AHCTF1: variants seen among roughly 807,000 people sequenced by gnomAD.
AHCTF1 encodes protein ELYS.
Under a neutral mutation model 248.4 loss-of-function variants are expected in AHCTF1, and 24 were observed. The observed-to-expected ratio is 0.10, with a 90% CI of 0.07 to 0.14. The LOEUF is 0.14. Among genes scored for constraint, AHCTF1 ranks in the 10% least tolerant of loss-of-function variants. The probability of loss-of-function intolerance (pLI) is 1.00; values close to 1 mark genes in which losing one functional copy is unlikely to be tolerated. For missense variants in AHCTF1, 2,206 were observed against 2,636.2 expected, an observed-to-expected ratio of 0.84 and a Z score of 3.57; for synonymous variants, 786 against 929.8, an observed-to-expected ratio of 0.85 and a Z score of 2.81.
intron 18 of AHCTF1, 39 bp from the exon 19 acceptor site, chr1:246,888,272 ACAGT>A: frequency 6.2e-7 from 1 of 1,612,980 alleles, no homozygotes; most frequent in East Asian, 2.2e-5. Flanking sequence ...TGGATCTTAT[ACAGT>A]CATTCATTCA....
In AHCTF1 at chr1:246,894,799, G is replaced by C. The variant is rs764927947; in HGVS notation, c.1715-51C>G. Reference sequence around the variant, plus strand: ...AAATAAAGATTATTAATTACAAACAGAGTTCTAAATTGTTGGTGGAGAAGC... The same window carrying C: ...AAATAAAGATTATTAATTACAAACACAGTTCTAAATTGTTGGTGGAGAAGC... On this transcript the variant is annotated intron_variant, in intron 13 of 35. Coordinates refer to ENST00000648844, the MANE Select transcript of AHCTF1 (RefSeq NM_001323342.2). The C allele has an allele frequency of 2.7e-6, 4 of 1,502,088 alleles. No individual in the cohort carries two copies. The Admixed American group carries it at 5.2e-5, about 19-fold the overall frequency. 93.0% of individuals were successfully genotyped at this position (1,502,088 alleles called of 1,614,324 possible).
chr1:246,872,724 T>C (rs1385287507), intron 24 of AHCTF1, among the ~76,000 whole-genome samples: 1 of 152,198 alleles, frequency 6.6e-6, no homozygotes. Flanking sequence ...TGAAAGGGAA[T>C]GGGACTTGGC....
At chr1:246,892,464 G>A (rs547315407) in intron 14 of AHCTF1, among the ~76,000 whole-genome samples, 2 of 151,752 alleles carry the variant, frequency 1.3e-5, no homozygotes, top group African/African-American at 2.4e-5. Flanking sequence ...GGGATTACAG[G>A]CATGTGCCAC....
At chr1:246,928,325 T>G (rs1015855289) in intron 1 of AHCTF1, among the ~76,000 whole-genome samples, 4 of 146,088 alleles carry the variant, frequency 2.7e-5, no homozygotes, top group African/African-American at 1.0e-4. Context: ...AAAAAAAAAT[T>G]ACTTCTGCTT....
At chr1:246,913,119 AAG>A in intron 4 of AHCTF1, 111 bp downstream of exon 4, 1 of 822,100 alleles carries the variant, frequency 1.2e-6, no homozygotes. Flanking sequence ...TATAGATAGG[AAG>A]ATATCTTTTA....
intron 1 of AHCTF1, chr1:246,930,989 G>A (rs1333873031): frequency 1.6e-6 from 2 of 1,249,174 alleles, no homozygotes; most frequent in African/African-American, 1.5e-5. Context: ...AAACCGTCCT[G>A]TTTCCCAGGT....
chr1:246,902,128 C>T (rs759452268), intron 8 of AHCTF1, among the ~76,000 whole-genome samples: 33 of 151,836 alleles, frequency 2.2e-4, no homozygotes, highest in East Asian at 9.7e-4. Context: ...CTTAAAAAAC[C>T]GATGCAAAAA....
In AHCTF1 at chr1:246,851,117, C is replaced by T; in HGVS notation, c.4889G>A (p.Gly1630Glu). 6.2e-7 allele frequency: 1 copy of T among 1,613,868 alleles called. No individual in the cohort carries two copies. The highest frequency in any genetic ancestry group is 1.1e-5 in the South Asian group (1 of 91,070). ...AATTTGTCCATGATTATCATTTTCC[C>T]CACTGCATACAAGTTTTTCTTCAGT... Reference protein sequence around the residue: ...TATEEKLVCSGENDNHGQIAN... With the variant: ...TATEEKLVCSEENDNHGQIAN... Residue 1630 changes from glycine (G) to glutamate (E), a missense_variant, in exon 33 of 36, where the codon GGG becomes GAG. This residue lies in a region of AHCTF1 where 955 missense variants were observed against 1,055.6 expected (regional missense o/e 0.90). Coordinates refer to ENST00000648844, the MANE Select transcript of AHCTF1 (RefSeq NM_001323342.2).
At chr1:246,864,365 T>C in intron 26 of AHCTF1, 1 of 353,384 alleles carries the variant, frequency 2.8e-6, no homozygotes, top group African/African-American at 2.1e-5. Flanking sequence ...TCCTTCCCTT[T>C]ACCTATATTT....
At chr1:246,851,469 G>C (rs1432105073) in intron 32 of AHCTF1, 27 bp from the exon 33 acceptor site, 9 of 1,557,240 alleles carry the variant, frequency 5.8e-6, no homozygotes, top group South Asian at 3.6e-5. Flanking sequence ...TAAGAGACTG[G>C]TTAAAGAATT....
chr1:246,904,252 G>C (rs944224584), intron 6 of AHCTF1, among the ~76,000 whole-genome samples: 1 of 152,114 alleles, frequency 6.6e-6, no homozygotes, highest in Non-Finnish European at 1.5e-5. Context: ...GATGCTGTTT[G>C]CATACTGTAG....
At chr1:246,868,871 G>A (rs1316260149) in intron 24 of AHCTF1, among the ~76,000 whole-genome samples, 24 of 142,730 alleles carry the variant, frequency 1.7e-4, no homozygotes, top group Non-Finnish European at 2.5e-4. Context: ...TTGAGATGGA[G>A]TCTCGCTCTG....
At chr1:246,921,048 C>T (rs895714407) in intron 1 of AHCTF1, among the ~76,000 whole-genome samples, 2 of 152,074 alleles carry the variant, frequency 1.3e-5, no homozygotes, top group Non-Finnish European at 1.5e-5. Context: ...ACCAAGACCA[C>T]GGCATTGCAC....
intron 21 of AHCTF1, 38 bp downstream of exon 21, chr1:246,885,455 T>C: frequency 6.7e-7 from 1 of 1,499,334 alleles, no homozygotes; most frequent in Non-Finnish European, 9.1e-7. Context: ...TATTAACAGA[T>C]ACGATAAAGA....
intron 5 of AHCTF1, 50 bp from the exon 6 acceptor site, chr1:246,905,707 A>T: frequency 1.4e-6 from 2 of 1,417,870 alleles, no homozygotes; most frequent in Non-Finnish European, 2.0e-6. Context: ...TTTAGAAAGG[A>T]AAAAGGTACA....
At chr1:246,853,062 TAAAG>T (rs765387503) in intron 32 of AHCTF1, 25 bp downstream of exon 32, 31 of 1,555,508 alleles carry the variant, frequency 2.0e-5, no homozygotes, top group Non-Finnish European at 2.5e-5. Flanking sequence ...GAAAGACTGA[TAAAG>T]AAGTAAAAAA....
Position 246,849,890 on chromosome 1 carries a change from G to C in AHCTF1, c.6116C>G (p.Ser2039Trp), listed in dbSNP as rs1259917481. Residue 2039 changes from serine to tryptophan, a missense_variant, in exon 33 of 36, where the codon TCG becomes TGG. Around this residue, in one of 6 missense-constraint regions of AHCTF1, gnomAD observed 469 missense variants for 470.0 expected, o/e 1.00. Transcript: ENST00000648844. Reference protein sequence around the residue: ...KSILVPNEELSMVMSSKKKLT... With the variant: ...KSILVPNEELWMVMSSKKKLT... ...TTTTTTCTTAGAGCTCATCACCATC[G>C]AAAGTTCCTCGTTTGGCACTAAAAT... is the stretch of plus-strand genomic sequence containing the variant. 5.0e-6 allele frequency: 8 copies of C among 1,613,714 alleles called. No individual in the cohort carries two copies. In the Admixed American group the frequency reaches 8.3e-5, roughly 17 times the overall value.
intron 10 of AHCTF1, 139 bp downstream of exon 10, chr1:246,899,926 T>G: frequency 1.3e-6 from 1 of 797,278 alleles, no homozygotes; most frequent in Non-Finnish European, 2.0e-6. Flanking sequence ...GTGTATATAT[T>G]AATTTCCTAA....
intron 1 of AHCTF1, among the ~76,000 whole-genome samples, chr1:246,930,734 C>G (rs1667288784): frequency 6.6e-6 from 1 of 152,100 alleles, no homozygotes; most frequent in Non-Finnish European, 1.5e-5. Flanking sequence ...TTAAAATCTA[C>G]AGGTTCTTTA....
Sources: gnomAD v4.1 joint callset for allele counts (sites outside exome capture counted in the v4.1 genomes callset) on GRCh38, gnomAD v4.1.1 for gene constraint, gnomAD v4.1.1 regional missense constraint, MANE v1.5 for transcripts, NCBI Gene and HGNC (gene_info 2026-07-23, HGNC 2026-07-21) for gene names.